The following MALRD1 variants were observed in gnomAD, a reference collection of about 807,000 sequenced individuals.
MALRD1 encodes MAM and LDL receptor class A domain containing 1, also known as MAM and LDL-receptor class A domain-containing protein 1.
MALRD1 carries 247 observed loss-of-function variants against 242.1 expected under a neutral mutation model. The observed-to-expected ratio is 1.02, with a 90% CI of 0.92 to 1.13. MALRD1 has a LOEUF of 1.13. Ranked by LOEUF, MALRD1 falls within the 50% of genes most tolerant of loss-of-function variation. The pLI, the probability that MALRD1 is intolerant of heterozygous loss-of-function variation, is 0.00. For missense variants in MALRD1, 2,989 were observed against 2,533.1 expected (o/e 1.18, Z -3.86); for synonymous variants, 995 against 866.6 (o/e 1.15, Z -2.60).
At chr10:19,418,713 T>C (rs191983563) in intron 28 of MALRD1, among the ~76,000 whole-genome samples, 5 of 152,148 alleles carry the variant, frequency 3.3e-5, no homozygotes, top group Admixed American at 6.6e-5. Flanking sequence ...AGAAGAGATA[T>C]CTCTTTATCT....
At chr10:19,483,865 G>A (rs1008285493) in intron 29 of MALRD1, among the ~76,000 whole-genome samples, 6 of 152,228 alleles carry the variant, frequency 3.9e-5, no homozygotes, top group Non-Finnish European at 8.8e-5. Context: ...GCAAGGACAT[G>A]GAATCAACCT....
intron 22 of MALRD1, among the ~76,000 whole-genome samples, chr10:19,325,429 T>C (rs1361404477): frequency 7.2e-6 from 1 of 139,504 alleles, no homozygotes; most frequent in African/African-American, 2.7e-5. Flanking sequence ...TTTTTTTTTC[T>C]GGGGCATCCA....
At chr10:19,609,897 G>T (rs971989953) in intron 35 of MALRD1, among the ~76,000 whole-genome samples, 7 of 151,848 alleles carry the variant, frequency 4.6e-5, no homozygotes, top group African/African-American at 1.7e-4. Flanking sequence ...ATGTAAAATT[G>T]TAGGATGGGA....
intron 8 of MALRD1, among the ~76,000 whole-genome samples, chr10:19,128,883 A>G (rs1837365423): frequency 6.6e-6 from 1 of 152,174 alleles, no homozygotes; most frequent in African/African-American, 2.4e-5. Context: ...CTTGTCCAAT[A>G]TGCTCGATGA....
intron 28 of MALRD1, among the ~76,000 whole-genome samples, chr10:19,410,428 G>A (rs527418058): frequency 1.3e-5 from 2 of 152,198 alleles, no homozygotes; most frequent in East Asian, 3.9e-4. Flanking sequence ...ACGTATAGAT[G>A]AAATAATTTG....
At chr10:19,485,381 C>A (rs1331784675) in intron 29 of MALRD1, among the ~76,000 whole-genome samples, 1 of 152,120 alleles carries the variant, frequency 6.6e-6, no homozygotes, top group Admixed American at 6.5e-5. Context: ...CGGTGGCTCA[C>A]GCCTGTAATC....
chr10:19,423,988 A>G (rs917144523), intron 28 of MALRD1, among the ~76,000 whole-genome samples: 6 of 152,192 alleles, frequency 3.9e-5, no homozygotes, highest in African/African-American at 9.7e-5. Flanking sequence ...ACAAATATCA[A>G]TGCAACCTTA....
intron 36 of MALRD1, among the ~76,000 whole-genome samples, chr10:19,683,657 A>T (rs896955077): frequency 6.6e-6 from 1 of 152,194 alleles, no homozygotes; most frequent in Non-Finnish European, 1.5e-5. Flanking sequence ...ACATTTTCAG[A>T]CCTTTACAGC....
chr10:19,417,936 G>A (rs902910229), intron 28 of MALRD1, among the ~76,000 whole-genome samples: 1 of 151,988 alleles, frequency 6.6e-6, no homozygotes, highest in African/African-American at 2.4e-5. Context: ...GTTAATGAGT[G>A]CCTACGGTGC....
intron 33 of MALRD1, among the ~76,000 whole-genome samples, chr10:19,594,723 T>G (rs770454602): frequency 6.6e-6 from 1 of 152,106 alleles, no homozygotes; most frequent in Non-Finnish European, 1.5e-5. Flanking sequence ...CTAAATGAAG[T>G]AAACCAGGAA....
chr10:19,165,901 C>A, intron 13 of MALRD1, 91 bp downstream of exon 13: 2 of 950,034 alleles, frequency 2.1e-6, no homozygotes, highest in Non-Finnish European at 1.4e-6. Context: ...ATAGCTCATA[C>A]CTTTTCAGGT....
chr10:19,223,062 T>C (rs1220272295), intron 18 of MALRD1, among the ~76,000 whole-genome samples: 3 of 152,222 alleles, frequency 2.0e-5, no homozygotes, highest in Non-Finnish European at 4.4e-5. Flanking sequence ...ATCAACTCAC[T>C]ATAGATTAGG....
intron 24 of MALRD1, among the ~76,000 whole-genome samples, chr10:19,341,875 A>G (rs1374257000): frequency 1.3e-5 from 2 of 152,056 alleles, no homozygotes; most frequent in Non-Finnish European, 2.9e-5. Context: ...TTTGGGTTCT[A>G]TAAATGCATA....
At position 19,262,987 on chromosome 10, in the gene MALRD1, G is replaced by T. The variant is rs754962680; in HGVS notation, c.3079+5216G>T. ...CTTGATTTTTTTAAAGCTGCATAAT[G>T]TTCCAATGTACATATATATTAGATT... On this transcript the variant is annotated intron_variant, in intron 19 of 39. Transcript: ENST00000454679. Among the ~76,000 whole-genome samples, 38 of 152,068 alleles carry T rather than the reference G, an allele frequency of 2.5e-4. 1 individual carries two copies. Among genetic ancestry groups the T allele is most frequent in the Admixed American group, 1.0e-3 (16 of 15,266 alleles).
chr10:19,710,837 T>A (rs914723969), intron 38 of MALRD1: 1 of 152,210 alleles, frequency 6.6e-6, no homozygotes. Flanking sequence ...AGACAACCTT[T>A]CAGTCTCTGA....
At chr10:19,246,352 C>T (rs564635527) in intron 18 of MALRD1, among the ~76,000 whole-genome samples, 2 of 152,242 alleles carry the variant, frequency 1.3e-5, no homozygotes, top group South Asian at 2.1e-4. Context: ...TCTGGGGATA[C>T]TGTCCAGGTC....
chr10:19,612,598 C>A (rs1362635955), intron 35 of MALRD1, among the ~76,000 whole-genome samples: 1 of 151,678 alleles, frequency 6.6e-6, no homozygotes, highest in East Asian at 1.9e-4. Flanking sequence ...TAAAGACATA[C>A]CTGAGACTGG....
chr10:19,453,579 C>CT (rs1835444180), intron 29 of MALRD1, among the ~76,000 whole-genome samples: 2 of 152,168 alleles, frequency 1.3e-5, no homozygotes, highest in South Asian at 4.2e-4. Flanking sequence ...AAACTCCCAT[C>CT]TCTATAAAAA....
intron 32 of MALRD1, among the ~76,000 whole-genome samples, chr10:19,565,258 C>G (rs367937666): frequency 2.0e-4 from 31 of 151,366 alleles, no homozygotes; most frequent in African/African-American, 7.3e-4. Flanking sequence ...GAGAATGGAA[C>G]GAAAATGAAT....
Sources: allele counts gnomAD v4.1 joint callset (sites outside exome capture counted in the v4.1 genomes callset), GRCh38; gene constraint gnomAD v4.1.1; transcripts MANE v1.5; gene names NCBI Gene and HGNC (gene_info 2026-07-23, HGNC 2026-07-21).